PSD3: variants seen among roughly 807,000 people sequenced by gnomAD.
PSD3 encodes pleckstrin and Sec7 domain containing 3.
A neutral mutation model predicts 105.5 loss-of-function variants in PSD3; 49 were observed. That is an observed-to-expected ratio of 0.46 (90% CI 0.37 to 0.59). The LOEUF (loss-of-function observed/expected upper bound fraction) is 0.59, where lower values mean the gene tolerates loss of function less well. Ranked by LOEUF, PSD3 falls within the 20% of genes least tolerant of loss-of-function variation. The probability of loss-of-function intolerance (pLI) is 0.00; values close to 1 mark genes in which losing one functional copy is unlikely to be tolerated. For synonymous variants in PSD3, 557 were observed against 457.8 expected (o/e 1.22, Z -2.77); for missense variants, 1,561 against 1,263.8 (o/e 1.24, Z -3.57).
At chr8:18,780,806 G>C (rs1013605671) in intron 8 of PSD3, among the ~76,000 whole-genome samples, 1 of 152,014 alleles carries the variant, frequency 6.6e-6, no homozygotes, top group African/African-American at 2.4e-5. Flanking sequence ...CGCCTGCCTT[G>C]GCCTCCCAAA....
intron 1 of PSD3, among the ~76,000 whole-genome samples, chr8:18,975,318 T>TAA (rs755184811): frequency 0.013 from 1,591 of 118,990 alleles, 34 homozygotes; most frequent in East Asian, 0.1. Context: ...TCTGAAATTT[T>TAA]TTTTTTTTTT....
In PSD3 at chr8:18,839,134, C is replaced by T. The variant is rs1437607016; in HGVS notation, c.1634+28540G>A. Among the ~76,000 whole-genome samples, 6 of 152,096 alleles carry T rather than the reference C, an allele frequency of 3.9e-5. No homozygotes were observed. In the East Asian group the frequency reaches 1.2e-3, roughly 30 times the overall value. The stretch of plus-strand genomic sequence containing the variant: ...CCAAACAGCCAGGCTGCTTGCAGCT[C>T]ATCTTACCCAGAAGAGCCGCAATTG... On this transcript the variant is annotated intron_variant, in intron 4 of 15. Transcript: ENST00000327040.
At chr8:18,710,719 T>C (rs1159540789) in intron 9 of PSD3, among the ~76,000 whole-genome samples, 1 of 152,044 alleles carries the variant, frequency 6.6e-6, no homozygotes, top group Non-Finnish European at 1.5e-5. Context: ...TCTCTCTCTG[T>C]CGCCAAGGCT....
At chr8:18,543,772 T>C (rs934137791) in intron 15 of PSD3, among the ~76,000 whole-genome samples, 1 of 152,164 alleles carries the variant, frequency 6.6e-6, no homozygotes, top group Non-Finnish European at 1.5e-5. Context: ...TTAATTGTGT[T>C]TTGAAAAAAA....
At chr8:19,042,557 G>A (rs932182085) in intron 1 of PSD3, among the ~76,000 whole-genome samples, 1 of 152,200 alleles carries the variant, frequency 6.6e-6, no homozygotes, top group Admixed American at 6.5e-5. Context: ...AGTTGACCAT[G>A]TCTGGATACC....
chr8:18,610,768 T>C (rs1340823768), intron 11 of PSD3, among the ~76,000 whole-genome samples: 7 of 152,204 alleles, frequency 4.6e-5, no homozygotes, highest in African/African-American at 1.7e-4. Flanking sequence ...CTGTTCATTC[T>C]GGATGTGGCT....
chr8:19,082,990 G>A (rs373164652), intron 1 of PSD3, among the ~76,000 whole-genome samples: 1 of 152,216 alleles, frequency 6.6e-6, no homozygotes, highest in Admixed American at 6.5e-5. Flanking sequence ...GAAGGGTGCT[G>A]TGAGAAGCCT....
chr8:18,584,298 C>T (rs1302441620), intron 12 of PSD3, among the ~76,000 whole-genome samples: 2 of 152,178 alleles, frequency 1.3e-5, no homozygotes, highest in African/African-American at 4.8e-5. Flanking sequence ...AGTTGCTGTG[C>T]AGTGGCCAAG....
At chr8:19,084,712 C>A in exon 1 of PSD3, 1 of 316,830 alleles carries the variant, frequency 3.2e-6, no homozygotes, top group Non-Finnish European at 6.2e-6. Flanking sequence ...GTGAAAGCAG[C>A]TGATTCCTCC....
chr8:18,759,987 C>T (rs1413795469), intron 9 of PSD3, among the ~76,000 whole-genome samples: 2 of 149,996 alleles, frequency 1.3e-5, no homozygotes, highest in East Asian at 2.0e-4. Flanking sequence ...AAGATAGAAA[C>T]GCAGCTTTTC....
chr8:18,984,057 TATA>T (rs968226311), intron 1 of PSD3, among the ~76,000 whole-genome samples: 15 of 146,484 alleles, frequency 1.0e-4, no homozygotes, highest in Admixed American at 7.5e-4. Context: ...TAACAATAGG[TATA>T]ATAATAATAA....
chr8:18,984,222 C>G (rs1825387738), intron 1 of PSD3, among the ~76,000 whole-genome samples: 1 of 115,954 alleles, frequency 8.6e-6, no homozygotes, highest in Non-Finnish European at 2.0e-5. Flanking sequence ...ATAATAATAT[C>G]TACAAAGCAC....
chr8:18,793,460 C>T (rs1468698017), intron 8 of PSD3, among the ~76,000 whole-genome samples: 2 of 150,070 alleles, frequency 1.3e-5, no homozygotes, highest in African/African-American at 4.9e-5. Flanking sequence ...CAAACCTGCA[C>T]ATCCTGCACA....
chr8:18,920,314 A>G (rs1174492539), intron 2 of PSD3, among the ~76,000 whole-genome samples: 1 of 152,200 alleles, frequency 6.6e-6, no homozygotes, highest in East Asian at 1.9e-4. Context: ...TAATCCATAT[A>G]ATGCCCTAAA....
intron 10 of PSD3, among the ~76,000 whole-genome samples, chr8:18,638,546 AAAC>A: frequency 8.3e-6 from 1 of 120,760 alleles, no homozygotes; most frequent in Admixed American, 7.9e-5. Flanking sequence ...AAAAACAAAC[AAAC>A]AAAAAAAAAC....
chr8:18,874,455 G>A lies in PSD3; in HGVS notation c.131-1722C>T, dbSNP rs540897690. 7.2e-5 allele frequency among the ~76,000 whole-genome samples: 11 copies of A among 151,970 alleles called. No individual in the cohort carries two copies. In the East Asian group the frequency reaches 2.1e-3, roughly 29 times the overall value. ...GCTGGGATTACAGTCATGAGCCATC[G>A]CACCTGGCCATTGTTACCATTTTTA... On this transcript the variant is annotated intron_variant, in intron 2 of 15. Transcript: ENST00000327040.
intron 10 of PSD3, among the ~76,000 whole-genome samples, chr8:18,652,833 T>C (rs1046283069): frequency 6.6e-6 from 1 of 152,142 alleles, no homozygotes; most frequent in African/African-American, 2.4e-5. Context: ...CATACACTGA[T>C]AGATGTCAGT....
intron 10 of PSD3, among the ~76,000 whole-genome samples, chr8:18,642,385 A>C (rs922230509): frequency 6.6e-6 from 1 of 152,316 alleles, no homozygotes; most frequent in East Asian, 1.9e-4. Flanking sequence ...ATGCTCAATG[A>C]AACAACTACT....
At chr8:18,824,293 C>A (rs530071043) in intron 4 of PSD3, among the ~76,000 whole-genome samples, 5 of 152,186 alleles carry the variant, frequency 3.3e-5, no homozygotes, top group Admixed American at 2.6e-4. Context: ...CCTAGAGTAC[C>A]TTCCACAGTA....
Sources: gnomAD v4.1 joint callset for allele counts (sites outside exome capture counted in the v4.1 genomes callset) on GRCh38, gnomAD v4.1.1 for gene constraint, MANE v1.5 for transcripts, NCBI Gene and HGNC (gene_info 2026-07-23, HGNC 2026-07-21) for gene names.